The following MAGI1 variants were observed in gnomAD, a reference collection of about 807,000 sequenced individuals.
The protein encoded by MAGI1 is membrane-associated guanylate kinase, WW and PDZ domain-containing protein 1.
A neutral mutation model predicts 139.9 loss-of-function variants in MAGI1; 58 were observed. The observed-to-expected ratio is 0.41, with a 90% CI of 0.34 to 0.52. The LOEUF is 0.52. Ranked by LOEUF, MAGI1 falls within the 20% of genes least tolerant of loss-of-function variation. The pLI, the probability that MAGI1 is intolerant of heterozygous loss-of-function variation, is 0.12. For missense variants in MAGI1, 1,874 were observed against 1,901.6 expected, an observed-to-expected ratio of 0.99 and a Z score of 0.27; for synonymous variants, 812 against 737.9, an observed-to-expected ratio of 1.10 and a Z score of -1.63.
chr3:65,524,736 G>A lies in MAGI1; in HGVS notation c.431-31105C>T, dbSNP rs144166069. Among the ~76,000 whole-genome samples the A allele has an allele frequency of 1.3e-3, 195 of 152,244 alleles. 1 individual carries two copies. Among genetic ancestry groups the A allele is most frequent in the Non-Finnish European group, 2.6e-3 (175 of 68,014 alleles). On this transcript the variant is annotated intron_variant, in intron 2 of 22. Transcript: ENST00000402939. ...ATAGGCTGAATGATAGATCGCAACA[G>A]GTGGATATCTGATACATCAGGCCAT...
At chr3:65,683,396 G>A (rs908199483) in intron 1 of MAGI1, among the ~76,000 whole-genome samples, 9 of 151,890 alleles carry the variant, frequency 5.9e-5, no homozygotes, top group African/African-American at 2.2e-4. Flanking sequence ...TACAGGGGTA[G>A]GGAGTATATG....
chr3:65,400,091 G>A (rs929234195), intron 13 of MAGI1, among the ~76,000 whole-genome samples: 11 of 152,124 alleles, frequency 7.2e-5, no homozygotes, highest in Admixed American at 2.6e-4. Flanking sequence ...CTCTGAAGGC[G>A]GATGGGTTAC....
intron 12 of MAGI1, among the ~76,000 whole-genome samples, chr3:65,423,924 A>G (rs1380142905): frequency 6.6e-6 from 1 of 152,200 alleles, no homozygotes; most frequent in Non-Finnish European, 1.5e-5. Flanking sequence ...ATACTAATTT[A>G]TACCAAATTA....
At chr3:65,978,449 A>G (rs2065373315) in intron 1 of MAGI1, among the ~76,000 whole-genome samples, 1 of 152,144 alleles carries the variant, frequency 6.6e-6, no homozygotes, top group East Asian at 1.9e-4. Context: ...AGAGAAGGCC[A>G]GGGGAGGGAG....
At chr3:65,640,068 A>C (rs1375850037) in intron 1 of MAGI1, among the ~76,000 whole-genome samples, 1 of 152,116 alleles carries the variant, frequency 6.6e-6, no homozygotes, top group Non-Finnish European at 1.5e-5. Context: ...CTAGAACTGA[A>C]ACATGGGCTC....
chr3:65,744,447 T>A (rs2035526167), intron 1 of MAGI1, among the ~76,000 whole-genome samples: 1 of 152,126 alleles, frequency 6.6e-6, no homozygotes. Context: ...AATGGGGAAG[T>A]CAGCATAACA....
intron 14 of MAGI1, among the ~76,000 whole-genome samples, chr3:65,384,360 G>A (rs1381777365): frequency 6.6e-6 from 1 of 151,992 alleles, no homozygotes; most frequent in Non-Finnish European, 1.5e-5. Context: ...TTTTCTTCTC[G>A]TTATTCCCTA....
chr3:65,817,064 T>C (rs979668740), intron 1 of MAGI1, among the ~76,000 whole-genome samples: 2 of 152,184 alleles, frequency 1.3e-5, no homozygotes, highest in African/African-American at 4.8e-5. Flanking sequence ...AAATTACCAA[T>C]ATGTCTCACT....
At chr3:65,818,066 GTGTC>G (rs778195321) in intron 1 of MAGI1, among the ~76,000 whole-genome samples, 25 of 151,426 alleles carry the variant, frequency 1.7e-4, no homozygotes, top group African/African-American at 5.1e-4. Context: ...GTGTGTGTGT[GTGTC>G]TCTCTCTTTG....
chr3:65,384,706 C>A (rs1023280428), intron 14 of MAGI1, among the ~76,000 whole-genome samples: 2 of 152,042 alleles, frequency 1.3e-5, no homozygotes, highest in African/African-American at 4.8e-5. Flanking sequence ...GCACTCCAGC[C>A]TGGGTGACAG....
At chr3:65,721,475 A>G (rs752351598) in intron 1 of MAGI1, among the ~76,000 whole-genome samples, 4 of 152,210 alleles carry the variant, frequency 2.6e-5, no homozygotes, top group Admixed American at 6.5e-5. Flanking sequence ...CCCTAGTTAC[A>G]TTAAACTTGA....
intron 1 of MAGI1, among the ~76,000 whole-genome samples, chr3:65,886,993 C>G (rs960191640): frequency 1.3e-5 from 2 of 152,056 alleles, no homozygotes; most frequent in Non-Finnish European, 2.9e-5. Flanking sequence ...AATAAAGTAC[C>G]TAGTTAATGT....
chr3:65,391,021 C>T, intron 14 of MAGI1, 121 bp downstream of exon 14: 1 of 806,320 alleles, frequency 1.2e-6, no homozygotes, highest in South Asian at 1.8e-5. Flanking sequence ...ACTTTTGCAT[C>T]TTGCGGATTT....
At chr3:65,579,804 G>T (rs1467706400) in intron 2 of MAGI1, among the ~76,000 whole-genome samples, 1 of 146,978 alleles carries the variant, frequency 6.8e-6, no homozygotes, top group East Asian at 2.1e-4. Flanking sequence ...CGAAGATCAC[G>T]CCACTGCACT....
intron 1 of MAGI1, among the ~76,000 whole-genome samples, chr3:65,880,239 C>A (rs1194415122): frequency 5.2e-5 from 7 of 134,598 alleles, no homozygotes; most frequent in African/African-American, 2.4e-4. Context: ...AAGACCCTGT[C>A]TCAAGAAAGA....
rs6806062 is a variant in MAGI1 at position 65,774,359 on chromosome 3, G to T, written c.314-152271C>A. Among the ~76,000 whole-genome samples the T allele has an allele frequency of 9.7e-3, 1,478 of 152,258 alleles. 23 individuals are homozygous for T. Among genetic ancestry groups the T allele is most frequent in the African/African-American group, 0.032 (1,322 of 41,542 alleles). ...TCTTCCTGTGATGTTTTTCACCCAT[G>T]AATTTATTGAAAATGTATTTGAAAT... On this transcript the variant is annotated intron_variant, in intron 1 of 22. Coordinates refer to ENST00000402939, the MANE Select transcript of MAGI1 (RefSeq NM_001033057.2).
chr3:65,484,464 T>C (rs1366300478), intron 3 of MAGI1, among the ~76,000 whole-genome samples: 2 of 152,124 alleles, frequency 1.3e-5, no homozygotes, highest in Admixed American at 6.6e-5. Context: ...GCAAAAATTG[T>C]TTTCTTTTTT....
At chr3:65,833,697 G>C (rs1438480694) in intron 1 of MAGI1, among the ~76,000 whole-genome samples, 2 of 152,116 alleles carry the variant, frequency 1.3e-5, no homozygotes, top group Admixed American at 6.5e-5. Context: ...CAACCAACTT[G>C]AAGCAAGTGC....
chr3:65,996,075 A>T (rs1560094000), intron 1 of MAGI1, among the ~76,000 whole-genome samples: 1 of 151,890 alleles, frequency 6.6e-6, no homozygotes, highest in Admixed American at 6.5e-5. Context: ...TTTGGGTCCC[A>T]GAACCTACAA....
Sources: gnomAD v4.1 joint callset for allele counts (sites outside exome capture counted in the v4.1 genomes callset) on GRCh38, gnomAD v4.1.1 for gene constraint, MANE v1.5 for transcripts, NCBI Gene and HGNC (gene_info 2026-07-23, HGNC 2026-07-21) for gene names.